HTR2C: variants seen among roughly 807,000 people sequenced by gnomAD.
HTR2C encodes 5-hydroxytryptamine (serotonin) receptor 2C, G protein-coupled.
In HTR2C, 5 loss-of-function variants were observed where a neutral mutation model predicts 21.0. The observed-to-expected ratio is 0.24, with a 90% CI of 0.12 to 0.50. The LOEUF (loss-of-function observed/expected upper bound fraction) is 0.50, where lower values mean the gene tolerates loss of function less well. Among genes scored for constraint, HTR2C ranks in the 20% least tolerant of loss-of-function variants. The pLI is 0.98. For synonymous variants in HTR2C, 150 were observed against 145.3 expected (o/e 1.03, Z -0.23); for missense variants, 271 against 371.2 (o/e 0.73, Z 2.22).
intron 5 of HTR2C, among the ~76,000 whole-genome samples, chrX:114,891,929 C>A (rs1556482888): frequency 9.0e-6 from 1 of 110,812 alleles, no homozygotes. Flanking sequence ...TAATAGTATA[C>A]TTTTTTCTCT....
intron 1 of HTR2C, among the ~76,000 whole-genome samples, chrX:114,609,606 G>A (rs1423512008): frequency 1.8e-5 from 2 of 111,666 alleles, no homozygotes; most frequent in Admixed American, 1.9e-4. Flanking sequence ...GGACAGTATC[G>A]TGTTAGACAA....
chrX:114,601,957 G>A (rs1928122219), intron 1 of HTR2C, among the ~76,000 whole-genome samples: 1 of 99,075 alleles, frequency 1.0e-5, no homozygotes, highest in Non-Finnish European at 2.0e-5. Context: ...TTGTCGTATA[G>A]AATGATTGGT....
chrX:114,806,827 T>G, intron 4 of HTR2C, among the ~76,000 whole-genome samples: 1 of 101,205 alleles, frequency 9.9e-6, no homozygotes, highest in East Asian at 3.2e-4. Context: ...ACTGTATATA[T>G]ATACACCACA....
rs1930993479 is a variant in HTR2C, at chrX:114,661,660, C to T, written c.-80+47779C>T. On this transcript the variant is annotated intron_variant, in intron 2 of 5. Transcript: ENST00000276198. ...TGCTGGGATTACAGCCCTGAGCCAC[C>T]GTGCCTGGCCTGGAAATCTATAAAT... Among the ~76,000 whole-genome samples, 3 of 110,148 alleles carry T rather than the reference C, an allele frequency of 2.7e-5. No individual in the cohort carries two copies. In the South Asian group the frequency reaches 1.2e-3, roughly 44 times the overall value.
rs1312409921 is a variant in HTR2C at position 114,908,971 on chromosome X, C to A, written c.*1556C>A. 1.8e-5 allele frequency: 2 copies of A among 112,268 alleles called. No homozygotes were observed. The highest frequency in any genetic ancestry group is 3.8e-5 in the Non-Finnish European group (2 of 53,239). The allele number at this position is 112,268 out of a possible 1,213,427, so 9.3% of individuals were successfully genotyped here. ...TTACGCTTGACAGTTACTTACACACCTGAGAATGTGCCTCTCAGTATCTTA... is the reference window on the plus strand; with the variant it reads ...TTACGCTTGACAGTTACTTACACACATGAGAATGTGCCTCTCAGTATCTTA... On this transcript the variant is annotated 3_prime_UTR_variant, in exon 6 of 6. Transcript: ENST00000276198.
At chrX:114,878,154 A>G (rs1569502004) in intron 5 of HTR2C, among the ~76,000 whole-genome samples, 1 of 110,757 alleles carries the variant, frequency 9.0e-6, no homozygotes, top group Non-Finnish European at 1.9e-5. Context: ...GAGAGCATAT[A>G]TATTTACCAT....
intron 4 of HTR2C, among the ~76,000 whole-genome samples, chrX:114,764,861 A>G (rs2069921827): frequency 9.7e-6 from 1 of 102,826 alleles, no homozygotes; most frequent in African/African-American, 3.7e-5. Context: ...CCTTCATGGA[A>G]TCAATCTTTC....
At chrX:114,797,717 G>A (rs1437460310) in intron 4 of HTR2C, among the ~76,000 whole-genome samples, 1 of 111,982 alleles carries the variant, frequency 8.9e-6, no homozygotes, top group Non-Finnish European at 1.9e-5. Context: ...GTTTGCCAAG[G>A]CAGACAGTGG....
At chrX:114,615,207 T>C (rs1928903372) in intron 2 of HTR2C, among the ~76,000 whole-genome samples, 1 of 111,557 alleles carries the variant, frequency 9.0e-6, no homozygotes, top group Non-Finnish European at 1.9e-5. Context: ...ATCAAGACAG[T>C]TGCATCAAAA....
At chrX:114,758,387 C>T (rs1360494414) in intron 4 of HTR2C, among the ~76,000 whole-genome samples, 1 of 108,827 alleles carries the variant, frequency 9.2e-6, no homozygotes, top group East Asian at 2.9e-4. Context: ...ATAGTTAGAC[C>T]TCTATCTCTA....
chrX:114,686,948 A>G (rs149673192), intron 2 of HTR2C, among the ~76,000 whole-genome samples: 1,382 of 111,647 alleles, frequency 0.012, 16 homozygotes, highest in African/African-American at 0.043. Context: ...TTAATATTCA[A>G]TGTAGCTTCT....
At chrX:114,893,913 G>A (rs1443982110) in intron 5 of HTR2C, among the ~76,000 whole-genome samples, 1 of 111,949 alleles carries the variant, frequency 8.9e-6, no homozygotes, top group African/African-American at 3.2e-5. Flanking sequence ...CCAAATGGCA[G>A]TAAGTATATG....
At chrX:114,689,576 T>C (rs1231661327) in intron 2 of HTR2C, among the ~76,000 whole-genome samples, 1 of 110,445 alleles carries the variant, frequency 9.1e-6, no homozygotes, top group African/African-American at 3.3e-5. Context: ...GGTATCGCAT[T>C]GTGGTTTTGA....
intron 5 of HTR2C, among the ~76,000 whole-genome samples, chrX:114,851,456 A>C (rs1404973343): frequency 8.9e-6 from 1 of 112,015 alleles, no homozygotes; most frequent in Non-Finnish European, 1.9e-5. Context: ...TTTCAAATCC[A>C]TTGATGATTC....
chrX:114,857,379 A>G (rs2070971342), intron 5 of HTR2C, among the ~76,000 whole-genome samples: 1 of 111,505 alleles, frequency 9.0e-6, no homozygotes, highest in Admixed American at 9.6e-5. Flanking sequence ...AAAATAGACT[A>G]CAGACCAGAT....
chrX:114,626,496 T>C (rs1422640986), intron 2 of HTR2C, among the ~76,000 whole-genome samples: 10 of 112,309 alleles, frequency 8.9e-5, no homozygotes, highest in African/African-American at 3.2e-4. Flanking sequence ...AAACATCCCT[T>C]GCCACCAGGT....
intron 2 of HTR2C, among the ~76,000 whole-genome samples, chrX:114,684,560 A>G (rs986807933): frequency 1.8e-5 from 2 of 111,477 alleles, no homozygotes; most frequent in Admixed American, 9.6e-5. Flanking sequence ...TTTAGTAGTT[A>G]CCCTGGTTCT....
chrX:114,831,770 G>C (rs1377530346), intron 4 of HTR2C, among the ~76,000 whole-genome samples: 2 of 104,823 alleles, frequency 1.9e-5, no homozygotes, highest in African/African-American at 7.0e-5. Context: ...TGAAGTCCTT[G>C]CCCATGCCTA....
intron 5 of HTR2C, among the ~76,000 whole-genome samples, chrX:114,849,287 A>G (rs2070897354): frequency 8.9e-6 from 1 of 112,343 alleles, no homozygotes; most frequent in Admixed American, 9.5e-5. Context: ...TTACAAAGGA[A>G]ATACACAGAC....
Sources: gnomAD v4.1 joint callset for allele counts (sites outside exome capture counted in the v4.1 genomes callset) on GRCh38, gnomAD v4.1.1 for gene constraint, MANE v1.5 for transcripts, NCBI Gene and HGNC (gene_info 2026-07-23, HGNC 2026-07-21) for gene names.